ADAMTS2: variants seen among roughly 807,000 people sequenced by gnomAD.
ADAMTS2 encodes the protein ADAM metallopeptidase with thrombospondin type 1 motif 2, also known as A disintegrin and metalloproteinase with thrombospondin motifs 2.
ADAMTS2 carries 50 observed loss-of-function variants against 123.0 expected under a neutral mutation model. The ratio of observed to expected loss-of-function variants is 0.41; its 90% CI spans 0.32 to 0.51. The LOEUF (loss-of-function observed/expected upper bound fraction) is 0.51. ADAMTS2 is among the 20% of genes least tolerant of loss of function. ADAMTS2 has a pLI of 0.35. For missense variants in ADAMTS2, 1,494 were observed against 1,705.2 expected (o/e 0.88, Z 2.18); for synonymous variants, 678 against 695.4 (o/e 0.98, Z 0.39).
chr5:179,195,089 A>G (rs1217220098), intron 4 of ADAMTS2, among the ~76,000 whole-genome samples: 1 of 152,100 alleles, frequency 6.6e-6, no homozygotes, highest in Non-Finnish European at 1.5e-5. Flanking sequence ...CGCCCCAGGC[A>G]CCCTTCCCTG....
chr5:179,113,468 G>A lies in ADAMTS2; in HGVS notation c.*399C>T, dbSNP rs1762601757. On this transcript the variant is annotated 3_prime_UTR_variant, in exon 22 of 22. Coordinates refer to ENST00000251582, the MANE Select transcript of ADAMTS2 (RefSeq NM_014244.5). Reference sequence around the variant, plus strand: ...CACCATTTCTCCTAAGAGTCCCACAGGCTGTGTCTGGGGATCGGTAGGGAA... The same window carrying A: ...CACCATTTCTCCTAAGAGTCCCACAAGCTGTGTCTGGGGATCGGTAGGGAA... 3.5e-6 allele frequency: 1 copy of A among 283,198 alleles called. No individual in the cohort carries two copies. The highest frequency in any genetic ancestry group is 2.2e-5 in the African/African-American group (1 of 45,892). The allele number at this position is 283,198 out of a possible 1,614,324, so 17.5% of individuals were successfully genotyped here.
At chr5:179,257,834 G>A (rs551155591) in intron 3 of ADAMTS2, among the ~76,000 whole-genome samples, 6 of 152,306 alleles carry the variant, frequency 3.9e-5, no homozygotes, top group Admixed American at 2.0e-4. Flanking sequence ...CCACTGCCCC[G>A]GGCTGCTCAA....
intron 4 of ADAMTS2, among the ~76,000 whole-genome samples, chr5:179,199,632 G>C (rs963344066): frequency 6.6e-6 from 1 of 152,144 alleles, no homozygotes; most frequent in African/African-American, 2.4e-5. Context: ...CCTGCTGGGG[G>C]TGCACTCACT....
At chr5:179,306,901 C>T (rs6868803) in intron 2 of ADAMTS2, among the ~76,000 whole-genome samples, 19,624 of 152,190 alleles carry the variant, frequency 0.13, 1,491 homozygotes, top group East Asian at 0.18. Flanking sequence ...GGACATGGCT[C>T]TTATTCCAGG....
chr5:179,255,125 T>C (rs1766017208), intron 3 of ADAMTS2, among the ~76,000 whole-genome samples: 1 of 151,956 alleles, frequency 6.6e-6, no homozygotes, highest in African/African-American at 2.4e-5. Context: ...GATGGATAGA[T>C]GGATGGATGA....
At chr5:179,313,062 C>G (rs1034851059) in intron 2 of ADAMTS2, among the ~76,000 whole-genome samples, 1 of 152,166 alleles carries the variant, frequency 6.6e-6, no homozygotes, top group Non-Finnish European at 1.5e-5. Context: ...TGGACAACAT[C>G]GAAACCCGAT....
chr5:179,161,339 G>A (rs1337392029), intron 5 of ADAMTS2, among the ~76,000 whole-genome samples: 2 of 152,220 alleles, frequency 1.3e-5, no homozygotes, highest in African/African-American at 4.8e-5. Flanking sequence ...GTGATTCGGT[G>A]CTAGAGCGTG....
chr5:179,231,937 GAA>G (rs1258061372), intron 3 of ADAMTS2, among the ~76,000 whole-genome samples: 1 of 45,532 alleles, frequency 2.2e-5, no homozygotes, highest in Admixed American at 2.4e-4. Context: ...AAAGAAAAAA[GAA>G]AAAGAAAAAA....
intron 12 of ADAMTS2, among the ~76,000 whole-genome samples, chr5:179,136,671 C>CAAA (rs34900361): frequency 1.7e-5 from 1 of 59,104 alleles, no homozygotes. Context: ...GACTCCATCT[C>CAAA]AAAAAAAAAA....
In ADAMTS2 at chr5:179,236,766, G is replaced by A. The variant is rs114502966; in HGVS notation, c.689-29051C>T. Reference sequence around the variant, plus strand: ...AGTCCATGCTGCTGCACTTCAGCCTGGGTGACAAAGCAAGACCTGGTTTCA... The same window carrying A: ...AGTCCATGCTGCTGCACTTCAGCCTAGGTGACAAAGCAAGACCTGGTTTCA... On this transcript the variant is annotated intron_variant, in intron 3 of 21. Coordinates refer to ENST00000251582, the MANE Select transcript of ADAMTS2 (RefSeq NM_014244.5). 9.8e-3 allele frequency among the ~76,000 whole-genome samples: 1,492 copies of A among 152,290 alleles called. 30 individuals are homozygous for A. The highest frequency in any genetic ancestry group is 0.034 in the African/African-American group (1,420 of 41,550).
intron 3 of ADAMTS2, among the ~76,000 whole-genome samples, chr5:179,226,276 CTTTT>C: frequency 7.6e-6 from 1 of 132,296 alleles, no homozygotes; most frequent in South Asian, 2.4e-4. Flanking sequence ...TTCCTTCTTT[CTTTT>C]TTTTTTTTGA....
chr5:179,129,885 A>C lies in ADAMTS2; in HGVS notation c.2457+47T>G. The C allele has an allele frequency of 3.7e-6, 6 of 1,601,720 alleles. No individual in the cohort carries two copies. Among genetic ancestry groups the C allele is most frequent in the Non-Finnish European group, 4.3e-6 (5 of 1,171,530 alleles). On this transcript the variant is annotated intron_variant, in intron 16 of 21. Coordinates refer to ENST00000251582, the MANE Select transcript of ADAMTS2 (RefSeq NM_014244.5). The surrounding 1 kb of genome is among the most constrained non-coding windows in gnomAD (Gnocchi z 4.1). ...TCCCAGGCACCCCCATCCCTCCCCC[A>C]GTGGCCACCCGCACCCTTCCCTGGG...
chr5:179,208,756 G>GC (rs1764780220), intron 3 of ADAMTS2, among the ~76,000 whole-genome samples: 1 of 152,044 alleles, frequency 6.6e-6, no homozygotes, highest in African/African-American at 2.4e-5. Context: ...TGTCCTGGAA[G>GC]CCCCCTTTCC....
intron 3 of ADAMTS2, among the ~76,000 whole-genome samples, chr5:179,245,485 G>GAAGAATAGA (rs1765763973): frequency 3.2e-4 from 49 of 152,096 alleles, no homozygotes; most frequent in African/African-American, 1.1e-3. Flanking sequence ...GATGGGGGTG[G>GAAGAATAGA]GCCGGGCGCG....
At chr5:179,125,279 G>T (rs1374648802) in intron 18 of ADAMTS2, 99 bp from the exon 19 acceptor site, 12 of 1,075,390 alleles carry the variant, frequency 1.1e-5, no homozygotes, top group South Asian at 5.1e-5. Context: ...GGTAGACAGC[G>T]AGCACAGAGG....
chr5:179,343,852 G>A lies in ADAMTS2; in HGVS notation c.449C>T (p.Pro150Leu), dbSNP rs1389404366. 1 of 1,600,154 alleles carries A rather than the reference G, an allele frequency of 6.2e-7. No homozygotes were observed. The highest frequency in any genetic ancestry group is 8.5e-7 in the Non-Finnish European group (1 of 1,175,026). ...QGEKGTTRVE[P>L]LLGSCLYVGD... ...GACGTAGAGACAGCTCCCGAGCAGG[G>A]GCTCCACGCGGGTGGTGCCCTTCTC... The change falls in exon 2 of 22, where the codon CCC (proline) becomes CTC (leucine). Residue 150 changes from proline (P) to leucine (L), a missense_variant. Pro to Leu is a moderately conservative substitution (Grantham distance 98). Coordinates refer to ENST00000251582, the MANE Select transcript of ADAMTS2 (RefSeq NM_014244.5).
chr5:179,316,705 A>G (rs1757010796), intron 2 of ADAMTS2, among the ~76,000 whole-genome samples: 1 of 152,202 alleles, frequency 6.6e-6, no homozygotes, highest in Non-Finnish European at 1.5e-5. Context: ...GCACTTTGGG[A>G]GGCCAAGAAC....
At chr5:179,219,593 A>C (rs1290562270) in intron 3 of ADAMTS2, among the ~76,000 whole-genome samples, 1 of 152,174 alleles carries the variant, frequency 6.6e-6, no homozygotes, top group Non-Finnish European at 1.5e-5. Flanking sequence ...GCTCCCAGAT[A>C]CGTGTCCTTG....
At chr5:179,238,561 G>A (rs13165525) in intron 3 of ADAMTS2, among the ~76,000 whole-genome samples, 35,830 of 152,014 alleles carry the variant, frequency 0.24, 5,434 homozygotes, top group Non-Finnish European at 0.33. Flanking sequence ...GAACATGCAA[G>A]CAAAGACTCG....
Sources: allele counts gnomAD v4.1 joint callset (sites outside exome capture counted in the v4.1 genomes callset), GRCh38; gene constraint gnomAD v4.1.1; non-coding constraint Gnocchi (gnomAD v3.1); transcripts MANE v1.5; gene names NCBI Gene and HGNC (gene_info 2026-07-23, HGNC 2026-07-21).